Variants in MACROD2 observed in about 807,000 individuals in gnomAD.
The protein encoded by MACROD2 is ADP-ribose glycohydrolase MACROD2.
A neutral mutation model predicts 70.4 loss-of-function variants in MACROD2; 36 were observed. The ratio of observed to expected loss-of-function variants is 0.51; its 90% CI spans 0.39 to 0.68. The LOEUF (loss-of-function observed/expected upper bound fraction) is 0.68. Ranked by LOEUF, MACROD2 falls within the 30% of genes least tolerant of loss-of-function variation. MACROD2 has a pLI of 0.00. For missense variants in MACROD2, 496 were observed against 538.4 expected (o/e 0.92, Z 0.78); for synonymous variants, 172 against 178.8 (o/e 0.96, Z 0.30).
At chr20:15,233,975 A>ATATT (rs1183949144) in intron 6 of MACROD2, among the ~76,000 whole-genome samples, 1 of 50,232 alleles carries the variant, frequency 2.0e-5, no homozygotes, top group African/African-American at 7.7e-5. Context: ...ATTTTTATAT[A>ATATT]TATTTATTTA....
intron 5 of MACROD2, among the ~76,000 whole-genome samples, chr20:14,738,486 C>A (rs574560456): frequency 6.6e-6 from 1 of 152,200 alleles, no homozygotes; most frequent in Non-Finnish European, 1.5e-5. Flanking sequence ...CCAGCCTCTT[C>A]CCCTCCGTTA....
At chr20:15,979,682 A>T (rs1301387769) in intron 13 of MACROD2, among the ~76,000 whole-genome samples, 1 of 152,124 alleles carries the variant, frequency 6.6e-6, no homozygotes, top group Admixed American at 6.5e-5. Context: ...AAATGGCCAG[A>T]TTTCAATTTC....
chr20:15,861,982 A>G (rs1483047868), intron 8 of MACROD2, among the ~76,000 whole-genome samples: 2 of 152,186 alleles, frequency 1.3e-5, no homozygotes, highest in African/African-American at 4.8e-5. Context: ...CACTGATTTA[A>G]TCAGATATAT....
intron 7 of MACROD2, among the ~76,000 whole-genome samples, chr20:15,461,365 T>C (rs1329793755): frequency 6.6e-6 from 1 of 152,210 alleles, no homozygotes; most frequent in Non-Finnish European, 1.5e-5. Flanking sequence ...TATGTGTCAA[T>C]AAACTATGTT....
At chr20:14,927,031 T>G (rs2122659148) in intron 5 of MACROD2, among the ~76,000 whole-genome samples, 1 of 152,268 alleles carries the variant, frequency 6.6e-6, no homozygotes, top group Middle Eastern at 3.4e-3. Flanking sequence ...GAGAAAAACT[T>G]CCAGTGTTCA....
At chr20:14,212,985 T>A (rs2081582871) in intron 3 of MACROD2, among the ~76,000 whole-genome samples, 1 of 151,886 alleles carries the variant, frequency 6.6e-6, no homozygotes, top group African/African-American at 2.4e-5. Flanking sequence ...GTTGTCAGTA[T>A]ACATCACGCA....
chr20:15,537,467 C>CTTTTTTT (rs35857138), intron 8 of MACROD2, among the ~76,000 whole-genome samples: 2 of 89,928 alleles, frequency 2.2e-5, no homozygotes, highest in Non-Finnish European at 2.0e-5. Flanking sequence ...TCCCACTCAT[C>CTTTTTTT]TTTTTTTTTT....
At chr20:15,591,578 G>T (rs1048140157) in intron 8 of MACROD2, among the ~76,000 whole-genome samples, 3 of 98,440 alleles carry the variant, frequency 3.0e-5, no homozygotes, top group South Asian at 7.8e-4. Flanking sequence ...TCTGAGGAAA[G>T]CCAGTACTAA....
intron 1 of MACROD2, among the ~76,000 whole-genome samples, chr20:13,999,223 C>T (rs1192568714): frequency 6.6e-6 from 1 of 152,116 alleles, no homozygotes; most frequent in African/African-American, 2.4e-5. Flanking sequence ...CTCTCCATTG[C>T]CTGTAACAGT....
At chr20:14,732,534 T>C (rs16994856) in intron 5 of MACROD2, among the ~76,000 whole-genome samples, 21,486 of 152,132 alleles carry the variant, frequency 0.14, 2,037 homozygotes, top group South Asian at 0.37. Flanking sequence ...AGTATTCTTA[T>C]GCAAAGTTGA....
chr20:15,713,254 A>G (rs887838366), intron 8 of MACROD2, among the ~76,000 whole-genome samples: 2 of 152,162 alleles, frequency 1.3e-5, no homozygotes, highest in African/African-American at 4.8e-5. Flanking sequence ...AAAAAAGACC[A>G]TTGCTATACA....
chr20:15,111,179 T>G (rs1322087133), intron 5 of MACROD2, among the ~76,000 whole-genome samples: 3 of 78,780 alleles, frequency 3.8e-5, no homozygotes, highest in African/African-American at 9.2e-5. Flanking sequence ...TTTTGTTTGT[T>G]TTTTTTTTTT....
At position 14,228,463 on chromosome 20, in the gene MACROD2, G is replaced by T. The variant is rs566377494; in HGVS notation, c.271+142735G>T. Among the ~76,000 whole-genome samples, 387 of 151,448 alleles carry T rather than the reference G, an allele frequency of 2.6e-3. 4 individuals are homozygous for T. Among genetic ancestry groups the T allele is most frequent in the African/African-American group, 9.1e-3 (376 of 41,176 alleles). On this transcript the variant is annotated intron_variant, in intron 3 of 17. Coordinates refer to ENST00000684519, the MANE Select transcript of MACROD2 (RefSeq NM_001351661.2). ...CGCCATTCTCCTGCCTCAGCCTCCC[G>T]AGTAGCTGGGACTACGGGCATGTGC...
intron 6 of MACROD2, among the ~76,000 whole-genome samples, chr20:15,316,776 A>G (rs1314009918): frequency 6.6e-6 from 1 of 152,058 alleles, no homozygotes; most frequent in African/African-American, 2.4e-5. Context: ...TGTTTCCAGA[A>G]TAGACCATAC....
intron 2 of MACROD2, among the ~76,000 whole-genome samples, chr20:14,027,005 G>C (rs1174585588): frequency 6.6e-6 from 1 of 152,210 alleles, no homozygotes; most frequent in East Asian, 1.9e-4. Context: ...TCCTGACTAG[G>C]TGACACCTCC....
intron 3 of MACROD2, among the ~76,000 whole-genome samples, chr20:14,257,276 A>G (rs1467152344): frequency 8.0e-6 from 1 of 125,254 alleles, no homozygotes; most frequent in African/African-American, 3.7e-5. Context: ...TAGAGGAATA[A>G]TAATATTAGA....
At chr20:16,010,896 T>C (rs1407545531) in intron 15 of MACROD2, among the ~76,000 whole-genome samples, 1 of 152,200 alleles carries the variant, frequency 6.6e-6, no homozygotes, top group East Asian at 1.9e-4. Context: ...CCAAGACCTT[T>C]CTCCCCAAAC....
chr20:14,439,788 A>G (rs577554965), intron 3 of MACROD2, among the ~76,000 whole-genome samples: 11 of 152,222 alleles, frequency 7.2e-5, no homozygotes, highest in Non-Finnish European at 1.5e-4. Flanking sequence ...AATAAGTATT[A>G]GTTCTGCAAA....
At chr20:14,619,854 T>C (rs1983730279) in intron 4 of MACROD2, among the ~76,000 whole-genome samples, 1 of 152,150 alleles carries the variant, frequency 6.6e-6, no homozygotes, top group East Asian at 1.9e-4. Context: ...CCACTATTGA[T>C]TAGATGGGAG....
Sources: allele counts gnomAD v4.1 joint callset (sites outside exome capture counted in the v4.1 genomes callset), GRCh38; gene constraint gnomAD v4.1.1; transcripts MANE v1.5; gene names NCBI Gene and HGNC (gene_info 2026-07-23, HGNC 2026-07-21).